GRHL2: variants seen among roughly 807,000 people sequenced by gnomAD.
The protein encoded by GRHL2 is grainyhead-like protein 2 homolog.
GRHL2 carries 21 observed loss-of-function variants against 83.8 expected under a neutral mutation model. The ratio of observed to expected loss-of-function variants is 0.25; its 90% confidence interval spans 0.18 to 0.36. The LOEUF (loss-of-function observed/expected upper bound fraction) is 0.36, where lower values mean the gene tolerates loss of function less well. Among genes scored for constraint, GRHL2 ranks in the 10% least tolerant of loss-of-function variants. GRHL2 has a pLI of 1.00. For missense variants in GRHL2, 623 were observed against 781.8 expected, an observed-to-expected ratio of 0.80 and a Z score of 2.42; for synonymous variants, 280 against 278.9, an observed-to-expected ratio of 1.00 and a Z score of -0.04.
chr8:101,674,297 C>T (rs533771221), downstream of GRHL2, among the ~76,000 whole-genome samples: 4 of 151,628 alleles, frequency 2.6e-5, no homozygotes, highest in African/African-American at 7.3e-5. Flanking sequence ...TCAACAATAT[C>T]GATAGACCGC....
chr8:101,549,805 C>T (rs1276121272), intron 2 of GRHL2, among the ~76,000 whole-genome samples: 1 of 152,132 alleles, frequency 6.6e-6, no homozygotes, highest in African/African-American at 2.4e-5. Context: ...CTCCATCCAC[C>T]TGACAAATTC....
chr8:101,594,469 A>G (rs1369814193), intron 7 of GRHL2, among the ~76,000 whole-genome samples: 1 of 152,188 alleles, frequency 6.6e-6, no homozygotes, highest in East Asian at 1.9e-4. Flanking sequence ...TAAGCATACA[A>G]CACTCACCCA....
intron 4 of GRHL2, among the ~76,000 whole-genome samples, chr8:101,569,749 C>T (rs1454301482): frequency 6.6e-6 from 1 of 152,222 alleles, no homozygotes; most frequent in Non-Finnish European, 1.5e-5. Context: ...GGATTACAGG[C>T]ATGAGCCACC....
At position 101,616,091 on chromosome 8, in the gene GRHL2, TTTCTTTC is replaced by T. The variant is rs1258870574; in HGVS notation, c.1099-3438_1099-3432del. 2.7e-3 allele frequency among the ~76,000 whole-genome samples: 396 copies of T among 144,054 alleles called. 2 individuals are homozygous for T. Among genetic ancestry groups the T allele is most frequent in the African/African-American group, 9.5e-3 (377 of 39,754 alleles). The allele number at this position is 144,054 out of a possible 152,430, so 94.5% of individuals were successfully genotyped here. ...CTCCTCCTCCCTCCCTCCCTTTCTC[TTTCTTTC>T]TTCTTTCTTTCTTTCTTCCTCTTTC... On this transcript the variant is annotated intron_variant, in intron 8 of 15. Coordinates refer to ENST00000646743, the MANE Select transcript of GRHL2 (RefSeq NM_024915.4).
At chr8:101,536,533 A>G (rs1811048404) in intron 1 of GRHL2, among the ~76,000 whole-genome samples, 1 of 152,220 alleles carries the variant, frequency 6.6e-6, no homozygotes. Context: ...TTTATAGGTG[A>G]AGAAACTGAT....
Position 101,666,877 on chromosome 8 carries a change from C to A in GRHL2, c.*174C>A, listed in dbSNP as rs908146144. On this transcript the variant is annotated 3_prime_UTR_variant, in exon 16 of 16. Coordinates refer to ENST00000646743, the MANE Select transcript of GRHL2 (RefSeq NM_024915.4). ...GGCCCCACTGTCGGTGTGCTTGGCC[C>A]ATCCACTGGCACCTACCACGGAGCT... is the stretch of plus-strand genomic sequence containing the variant. The A allele has an allele frequency of 1.9e-4, 127 of 665,732 alleles. No individual in the cohort carries two copies. Among genetic ancestry groups the A allele is most frequent in the Non-Finnish European group, 2.2e-4 (81 of 364,918 alleles). 41.2% of individuals were successfully genotyped at this position (665,732 alleles called of 1,614,324 possible). A position where few individuals can be genotyped will look rare whatever the true frequency, so the allele number is the denominator to read the frequency against.
chr8:101,560,084 C>G (rs1456232745), intron 4 of GRHL2, among the ~76,000 whole-genome samples: 1 of 152,156 alleles, frequency 6.6e-6, no homozygotes, highest in Non-Finnish European at 1.5e-5. Flanking sequence ...TGGCTCACTG[C>G]AACCTCTGCC....
chr8:101,678,561 G>C, the GRHL2 span, among the ~76,000 whole-genome samples: 22 of 151,832 alleles, frequency 1.4e-4, no homozygotes, highest in East Asian at 9.7e-4. Flanking sequence ...CGGGAAGCTC[G>C]AACTGGGTGG....
chr8:101,566,170 G>A (rs1811712905), intron 4 of GRHL2, among the ~76,000 whole-genome samples: 1 of 152,054 alleles, frequency 6.6e-6, no homozygotes, highest in African/African-American at 2.4e-5. Context: ...CAGTGGCTAT[G>A]GTAACACCAA....
At chr8:101,499,450 T>G (rs1019961027) in intron 1 of GRHL2, among the ~76,000 whole-genome samples, 1 of 146,922 alleles carries the variant, frequency 6.8e-6, no homozygotes, top group Non-Finnish European at 1.5e-5. Flanking sequence ...GGTTTTTTTT[T>G]CCTCCCATAT....
chr8:101,580,633 G>T (rs530737166), intron 7 of GRHL2, among the ~76,000 whole-genome samples: 4 of 152,236 alleles, frequency 2.6e-5, no homozygotes, highest in African/African-American at 9.6e-5. Context: ...TGTGATAAGT[G>T]GTATGTAGGT....
intron 1 of GRHL2, among the ~76,000 whole-genome samples, chr8:101,497,989 A>G (rs755212432): frequency 6.6e-5 from 10 of 152,246 alleles, no homozygotes; most frequent in Non-Finnish European, 1.0e-4. Context: ...CCAGAGCTGC[A>G]AAAGAACTGA....
rs781231777 is a variant in GRHL2, at chr8:101,632,212, G to A, written c.1346-14G>A. The A allele has an allele frequency of 9.9e-6, 16 of 1,613,708 alleles. No homozygotes were observed. The highest frequency in any genetic ancestry group is 1.4e-5 in the Non-Finnish European group (16 of 1,179,738). On this transcript the variant is annotated splice_polypyrimidine_tract_variant and intron_variant, in intron 10 of 15. Transcript: ENST00000646743. ...ATGACTCTCTCATTTATGAGTTTGTGTGATCCCATCCAGCCTCTGATGGGA... is the reference window on the plus strand; with the variant it reads ...ATGACTCTCTCATTTATGAGTTTGTATGATCCCATCCAGCCTCTGATGGGA...
chr8:101,528,068 T>C (rs1810843932), intron 1 of GRHL2, among the ~76,000 whole-genome samples: 1 of 152,200 alleles, frequency 6.6e-6, no homozygotes, highest in East Asian at 1.9e-4. Context: ...CAAGTTTTTT[T>C]TCAGCTGTAA....
chr8:101,676,465 C>G, the GRHL2 span, among the ~76,000 whole-genome samples: 1 of 152,178 alleles, frequency 6.6e-6, no homozygotes, highest in Non-Finnish European at 1.5e-5. Flanking sequence ...AAAAAATGCT[C>G]AACATCACTG....
intron 12 of GRHL2, among the ~76,000 whole-genome samples, chr8:101,637,687 A>G (rs1347121733): frequency 8.5e-5 from 13 of 152,220 alleles, no homozygotes; most frequent in Admixed American, 8.5e-4. Context: ...TTTCTACATG[A>G]AAATTCCCAG....
rs1811795958 is a variant in GRHL2, at chr8:101,570,322, T to C, written c.679-17T>C. 6.2e-7 allele frequency: 1 copy of C among 1,606,892 alleles called. No individual in the cohort carries two copies. The highest frequency in any genetic ancestry group is 8.5e-7 in the Non-Finnish European group (1 of 1,173,514). ...ACTTACCTATTTGTTTTAATTCCGA[T>C]GACTCATATTTTGCAGAAATTTCGG... On this transcript the variant is annotated splice_polypyrimidine_tract_variant and intron_variant, in intron 4 of 15. Coordinates refer to ENST00000646743, the MANE Select transcript of GRHL2 (RefSeq NM_024915.4).
At chr8:101,671,170 G>A (rs150092553), downstream of GRHL2, among the ~76,000 whole-genome samples, 1,311 of 152,290 alleles carry the variant, frequency 8.6e-3, 18 homozygotes, top group African/African-American at 0.03. Context: ...CAGACAGTGG[G>A]TGCAGGACAG....
At chr8:101,531,314 C>T (rs1176744928) in intron 1 of GRHL2, among the ~76,000 whole-genome samples, 1 of 151,766 alleles carries the variant, frequency 6.6e-6, no homozygotes, top group Non-Finnish European at 1.5e-5. Flanking sequence ...TTACTTAACA[C>T]TCTATTCTCA....
Sources: allele counts gnomAD v4.1 joint callset (sites outside exome capture counted in the v4.1 genomes callset), GRCh38; gene constraint gnomAD v4.1.1; transcripts MANE v1.5; gene names NCBI Gene and HGNC (gene_info 2026-07-23, HGNC 2026-07-21).